PVT1: variants seen among roughly 807,000 people sequenced by gnomAD.
The protein encoded by PVT1 is Pvt1 oncogene, also known as CXCR4/PVT1 fusion.
intron 3 of PVT1, among the ~76,000 whole-genome samples, chr8:127,928,623 T>G (rs1816161192): frequency 6.6e-6 from 1 of 152,202 alleles, no homozygotes; most frequent in Admixed American, 6.5e-5. Flanking sequence ...CACCCCACCC[T>G]ATCCCCCAGA....
intron 5 of PVT1, among the ~76,000 whole-genome samples, chr8:128,077,792 C>T (rs1814110763): frequency 6.6e-6 from 1 of 152,324 alleles, no homozygotes; most frequent in Non-Finnish European, 1.5e-5. Context: ...ACACTCCCTA[C>T]ATCTGATCAT....
At chr8:127,980,216 A>G (rs936643357) in intron 3 of PVT1, among the ~76,000 whole-genome samples, 1 of 152,114 alleles carries the variant, frequency 6.6e-6, no homozygotes, top group Non-Finnish European at 1.5e-5. Context: ...TATCCCCAGT[A>G]TCTAGTACAT....
In PVT1 at chr8:127,871,769, A is replaced by G. The variant is rs117835061; in HGVS notation, n.373-18820A>G. Among the ~76,000 whole-genome samples the G allele has an allele frequency of 1.7e-3, 259 of 152,346 alleles. 1 individual carries two copies. Among genetic ancestry groups the G allele is most frequent in the Non-Finnish European group, 2.7e-3 (184 of 68,020 alleles). ...TTTTTTTTCTGATTGTATTAGAAGT[A>G]CAGTCCACAATAATATATTGTACAT... On this transcript the variant is annotated intron_variant and non_coding_transcript_variant, in intron 2 of 10. Transcript: ENST00000651587.
At chr8:127,970,422 C>T (rs1340726556) in intron 3 of PVT1, among the ~76,000 whole-genome samples, 4 of 151,426 alleles carry the variant, frequency 2.6e-5, no homozygotes, top group African/African-American at 7.3e-5. Flanking sequence ...CTCAGCCTCC[C>T]GAGTAGCTGG....
At chr8:127,910,893 T>TTTGTGTG (rs1554596303) in intron 3 of PVT1, among the ~76,000 whole-genome samples, 2 of 140,634 alleles carry the variant, frequency 1.4e-5, no homozygotes, top group African/African-American at 5.3e-5. Context: ...GTGTGTGTGT[T>TTTGTGTG]TGTGTGTGTG....
chr8:127,907,374 C>T (rs1815836183), intron 3 of PVT1, among the ~76,000 whole-genome samples: 1 of 151,626 alleles, frequency 6.6e-6, no homozygotes, highest in Non-Finnish European at 1.5e-5. Context: ...ATGGACAGCC[C>T]GGGCCCTTTG....
At chr8:128,098,459 T>C (rs1471078623) in intron 6 of PVT1, among the ~76,000 whole-genome samples, 1 of 152,114 alleles carries the variant, frequency 6.6e-6, no homozygotes, top group African/African-American at 2.4e-5. Flanking sequence ...CACCCCACCA[T>C]CAGGGCTAAG....
chr8:128,088,760 C>A (rs897797675), intron 5 of PVT1, among the ~76,000 whole-genome samples: 1 of 152,210 alleles, frequency 6.6e-6, no homozygotes, highest in African/African-American at 2.4e-5. Flanking sequence ...CTGGTATAGA[C>A]TCACTGTTCA....
intron 3 of PVT1, among the ~76,000 whole-genome samples, chr8:127,975,491 T>C (rs1816813998): frequency 6.6e-6 from 1 of 152,206 alleles, no homozygotes; most frequent in Non-Finnish European, 1.5e-5. Flanking sequence ...TTACTTTCCA[T>C]GTGGATGCCT....
chr8:127,978,982 C>G (rs1431986649), intron 3 of PVT1, among the ~76,000 whole-genome samples: 1 of 152,214 alleles, frequency 6.6e-6, no homozygotes, highest in Non-Finnish European at 1.5e-5. Context: ...CCTCAAGTGA[C>G]CCTTCCGCCT....
chr8:128,063,637 C>A (rs1813860866), intron 4 of PVT1, among the ~76,000 whole-genome samples: 1 of 152,116 alleles, frequency 6.6e-6, no homozygotes, highest in Non-Finnish European at 1.5e-5. Flanking sequence ...ACTAAATGAT[C>A]TCACTCATAT....
At chr8:128,064,852 T>G (rs949518052) in intron 4 of PVT1, among the ~76,000 whole-genome samples, 1 of 152,240 alleles carries the variant, frequency 6.6e-6, no homozygotes, top group African/African-American at 2.4e-5. Flanking sequence ...TATTTTTTAA[T>G]GAAGGATATG....
intron 3 of PVT1, among the ~76,000 whole-genome samples, chr8:127,928,773 A>T (rs1474923907): frequency 6.6e-6 from 1 of 152,214 alleles, no homozygotes; most frequent in Admixed American, 6.5e-5. Flanking sequence ...CGGTGGCTGC[A>T]GAGAGGGGCT....
chr8:128,079,222 T>C (rs1034814769), intron 5 of PVT1, among the ~76,000 whole-genome samples: 7 of 152,192 alleles, frequency 4.6e-5, no homozygotes, highest in Non-Finnish European at 1.0e-4. Context: ...ATGTCCTGTA[T>C]CTCAAGAGGA....
chr8:127,878,539 T>C lies in PVT1; in HGVS notation n.373-12050T>C, dbSNP rs137920830. ...TTGCTTGACATTGCATCCCTCCCTC[T>C]TTTTTCCCTCTCTTCCTCTTTCCCT... On this transcript the variant is annotated intron_variant and non_coding_transcript_variant, in intron 2 of 10. Transcript: ENST00000651587. 1.9e-3 allele frequency among the ~76,000 whole-genome samples: 293 copies of C among 152,338 alleles called. 1 individual carries two copies. The highest frequency in any genetic ancestry group is 6.4e-3 in the African/African-American group (268 of 41,588).
chr8:127,931,400 C>T (rs1203066267), intron 3 of PVT1, among the ~76,000 whole-genome samples: 1 of 152,192 alleles, frequency 6.6e-6, no homozygotes, highest in Non-Finnish European at 1.5e-5. Context: ...CATTTCCTGT[C>T]TTGAAGGTGG....
intron 3 of PVT1, among the ~76,000 whole-genome samples, chr8:127,979,602 T>C (rs894043258): frequency 6.6e-6 from 1 of 152,136 alleles, no homozygotes; most frequent in Non-Finnish European, 1.5e-5. Context: ...GAGGGAGAAG[T>C]GGAGCTGTAA....
chr8:128,013,108 T>TG (rs939394885), intron 4 of PVT1, among the ~76,000 whole-genome samples: 2 of 152,240 alleles, frequency 1.3e-5, no homozygotes, highest in African/African-American at 4.8e-5. Context: ...TCATAGTCTA[T>TG]GGGGGTGCCA....
chr8:127,832,628 G>A (rs1184402521), intron 2 of PVT1, among the ~76,000 whole-genome samples: 2 of 152,216 alleles, frequency 1.3e-5, no homozygotes, highest in Non-Finnish European at 2.9e-5. Context: ...GGAGGCCAAG[G>A]CGGGCGGATC....
Sources: allele counts gnomAD v4.1 joint callset (sites outside exome capture counted in the v4.1 genomes callset), GRCh38; gene constraint gnomAD v4.1.1; transcripts MANE v1.5; gene names NCBI Gene and HGNC (gene_info 2026-07-23, HGNC 2026-07-21).